IFT140: variants seen among roughly 807,000 people sequenced by gnomAD.
IFT140 encodes intraflagellar transport protein 140 homolog.
A neutral mutation model predicts 164.6 loss-of-function variants in IFT140; 133 were observed. The ratio of observed to expected loss-of-function variants is 0.81; its 90% CI spans 0.70 to 0.93. The LOEUF (loss-of-function observed/expected upper bound fraction) is 0.93, where lower values mean the gene tolerates loss of function less well. IFT140 is among the 40% of genes least tolerant of loss of function. IFT140 has a pLI of 0.00. For synonymous variants in IFT140, 860 were observed against 817.3 expected, an observed-to-expected ratio of 1.05 and a Z score of -0.89; for missense variants, 2,045 against 1,972.3, an observed-to-expected ratio of 1.04 and a Z score of -0.70.
In IFT140 at chr16:1,522,808, A is replaced by C. The variant is rs187555179; in HGVS notation, c.3453+710T>G. ...AGCCGAGATTGCGCCACTGCACTCC[A>C]GCCTTTCCACCCTTAGTAGCCCAGT... On this transcript the variant is annotated intron_variant, in intron 26 of 30. Transcript: ENST00000426508. Among the ~76,000 whole-genome samples, 13 of 152,384 alleles carry C rather than the reference A, an allele frequency of 8.5e-5. No homozygotes were observed. In the East Asian group the frequency reaches 2.3e-3, roughly 27 times the overall value.
At chr16:1,593,660 C>A (rs1055999269) in intron 4 of IFT140, among the ~76,000 whole-genome samples, 1 of 152,108 alleles carries the variant, frequency 6.6e-6, no homozygotes, top group African/African-American at 2.4e-5. Flanking sequence ...TGCCCCTCCA[C>A]TGGGATTGTT....
Position 1,592,605 on chromosome 16 carries a change from C to T in IFT140, c.370-17G>A. 1 of 1,612,662 alleles carries T rather than the reference C, an allele frequency of 6.2e-7. No homozygotes were observed. The highest frequency in any genetic ancestry group is 1.3e-5 in the African/African-American group (1 of 74,822). Reference sequence around the variant, plus strand: ...GACACCAAGCTGGAAAGACCCAACACCACGTGTTAGGACAGGTGTCCCGGC... The same window carrying T: ...GACACCAAGCTGGAAAGACCCAACATCACGTGTTAGGACAGGTGTCCCGGC... On this transcript the variant is annotated splice_polypyrimidine_tract_variant and intron_variant, in intron 4 of 30. Transcript: ENST00000426508.
intron 19 of IFT140, among the ~76,000 whole-genome samples, chr16:1,542,384 T>G (rs1596332440): frequency 1.3e-5 from 2 of 152,348 alleles, no homozygotes; most frequent in East Asian, 3.9e-4. Flanking sequence ...GGGGTCTGAT[T>G]GCTGACTGGC....
intron 14 of IFT140, among the ~76,000 whole-genome samples, chr16:1,569,288 G>A (rs553497352): frequency 2.0e-5 from 3 of 152,256 alleles, no homozygotes; most frequent in South Asian, 2.1e-4. Flanking sequence ...GATTACAGGC[G>A]TGAGCCACCG....
chr16:1,584,421 CTTCA>C lies in IFT140; in HGVS notation c.1156-5_1156-2del, dbSNP rs1160859649. ...CCAGCAGGTTCTTCCTGGAACCCCA[CTTCA>C]TTTCCAGGTTGCAAGAGAAAGAACC... On this transcript the variant is annotated splice_acceptor_variant and splice_polypyrimidine_tract_variant and intron_variant, in intron 10 of 30. Coordinates refer to ENST00000426508, the MANE Select transcript of IFT140 (RefSeq NM_014714.4). LOFTEE classifies it high-confidence loss of function. 1.2e-6 allele frequency: 2 copies of C among 1,601,044 alleles called. No homozygotes were observed. Among genetic ancestry groups the C allele is most frequent in the African/African-American group, 2.7e-5 (2 of 74,724 alleles).
At chr16:1,541,873 C>T (rs368230781) in intron 19 of IFT140, 113 of 1,511,442 alleles carry the variant, frequency 7.5e-5, no homozygotes, top group Non-Finnish European at 8.8e-5. Context: ...GGCGTGGCCT[C>T]TGGAGCCCAC....
intron 24 of IFT140, 77 bp from the exon 25 acceptor site, chr16:1,524,033 G>T: frequency 6.4e-7 from 1 of 1,553,762 alleles, no homozygotes; most frequent in Non-Finnish European, 8.7e-7. Flanking sequence ...GAATGTGGCC[G>T]GGTGCGAACC....
intron 19 of IFT140, among the ~76,000 whole-genome samples, chr16:1,539,653 G>GT (rs2031437048): frequency 1.3e-5 from 2 of 152,264 alleles, no homozygotes; most frequent in Non-Finnish European, 1.5e-5. Flanking sequence ...ATGAAGGAAC[G>GT]TGAGCTCTCA....
chr16:1,541,767 C>T (rs924888263), intron 19 of IFT140, among the ~76,000 whole-genome samples: 5 of 152,156 alleles, frequency 3.3e-5, no homozygotes, highest in Admixed American at 2.0e-4. Flanking sequence ...AGGGGGAGGG[C>T]GTGATGCTTC....
intron 13 of IFT140, 27 bp downstream of exon 13, chr16:1,580,732 T>C (rs763376483): frequency 6.6e-7 from 1 of 1,513,300 alleles, no homozygotes; most frequent in East Asian, 2.3e-5. Flanking sequence ...TCTGCTCTGG[T>C]TTTCTTGCAG....
intron 18 of IFT140, among the ~76,000 whole-genome samples, chr16:1,559,923 C>T (rs2033312501): frequency 6.6e-6 from 1 of 152,178 alleles, no homozygotes; most frequent in South Asian, 2.1e-4. Context: ...CTCTCTGGAA[C>T]AACAACTATG....
At chr16:1,571,275 G>A in intron 14 of IFT140, 132 bp downstream of exon 14, 1 of 798,116 alleles carries the variant, frequency 1.3e-6, no homozygotes, top group South Asian at 1.8e-5. Flanking sequence ...GCATTCGAGA[G>A]CACAAGTGGC....
intron 21 of IFT140, 92 bp downstream of exon 21, chr16:1,525,795 T>C: frequency 7.7e-7 from 1 of 1,295,556 alleles, no homozygotes; most frequent in East Asian, 2.6e-5. Context: ...TCTAAGAACC[T>C]CCCTGGCCAC....
chr16:1,536,703 G>A lies in IFT140; in HGVS notation c.2400-9907C>T, dbSNP rs756336407. Among the ~76,000 whole-genome samples, 15 of 152,100 alleles carry A rather than the reference G, an allele frequency of 9.9e-5. No individual in the cohort carries two copies. In the South Asian group the frequency reaches 2.7e-3, roughly 27 times the overall value. The stretch of plus-strand genomic sequence containing the variant: ...CCCCAAGGCCCCAACACGGGGACGC[G>A]CCCAGAGTCTCCCTTGGCCGTGCTG... On this transcript the variant is annotated intron_variant, in intron 19 of 30. Coordinates refer to ENST00000426508, the MANE Select transcript of IFT140 (RefSeq NM_014714.4).
chr16:1,523,056 A>T (rs1343078703), intron 26 of IFT140, among the ~76,000 whole-genome samples: 2 of 151,918 alleles, frequency 1.3e-5, no homozygotes, highest in African/African-American at 4.8e-5. Context: ...CCCTGAGTCT[A>T]TGAAAAAAAA....
At chr16:1,571,263 A>T in intron 14 of IFT140, 144 bp downstream of exon 14, 1 of 725,126 alleles carries the variant, frequency 1.4e-6, no homozygotes, top group Non-Finnish European at 2.2e-6. Flanking sequence ...CCCCAACATG[A>T]GGCATTCGAG....
chr16:1,607,408 A>G (rs983630323), intron 2 of IFT140, 111 bp from the exon 3 acceptor site: 2 of 943,410 alleles, frequency 2.1e-6, no homozygotes, highest in Non-Finnish European at 3.1e-6. Flanking sequence ...TCGGAAGACC[A>G]TCGGCAACTT....
At chr16:1,548,740 A>G (rs1056051461) in intron 19 of IFT140, among the ~76,000 whole-genome samples, 18 of 152,296 alleles carry the variant, frequency 1.2e-4, no homozygotes, top group African/African-American at 4.3e-4. Context: ...GGTGGGAAGG[A>G]CAGAAGTAAA....
Position 1,553,726 on chromosome 16 carries a change from C to T in IFT140, c.2399+4209G>A. ...CATGGCCTCCAGGACAATCTGTGGC[C>T]ACATCCCCATGGCTGTAGGGGATGA... is the stretch of plus-strand genomic sequence containing the variant. On this transcript the variant is annotated intron_variant, in intron 19 of 30. Transcript: ENST00000426508. The surrounding 1 kb of genome is among the most constrained non-coding windows in gnomAD (Gnocchi z 4.4). The T allele has an allele frequency of 1.8e-6, 2 of 1,122,588 alleles. No individual in the cohort carries two copies. Among genetic ancestry groups the T allele is most frequent in the African/African-American group, 3.2e-5 (2 of 61,850 alleles). The allele number at this position is 1,122,588 out of a possible 1,614,324, so 69.5% of individuals were successfully genotyped here.
Sources: gnomAD v4.1 joint callset for allele counts (sites outside exome capture counted in the v4.1 genomes callset) on GRCh38, gnomAD v4.1.1 for gene constraint, Gnocchi (gnomAD v3.1) non-coding constraint, MANE v1.5 for transcripts, NCBI Gene and HGNC (gene_info 2026-07-23, HGNC 2026-07-21) for gene names.